Variants in BAG6 observed in about 807,000 individuals in gnomAD.
BAG6 encodes large proline-rich protein BAG6.
BAG6 carries 22 observed loss-of-function variants against 121.0 expected under a neutral mutation model. That is an observed-to-expected ratio of 0.18 (90% CI 0.13 to 0.26). The LOEUF (loss-of-function observed/expected upper bound fraction) is 0.26. BAG6 is among the 10% of genes least tolerant of loss of function. BAG6 has a pLI of 1.00. For missense variants in BAG6, 1,233 were observed against 1,537.7 expected, an observed-to-expected ratio of 0.80 and a Z score of 3.31; for synonymous variants, 583 against 584.6, an observed-to-expected ratio of 1.00 and a Z score of 0.04.
At position 31,642,327 on chromosome 6, in the gene BAG6, G is replaced by T. The variant is rs1251035383; in HGVS notation, c.2120C>A (p.Pro707Gln). The change falls in exon 16 of 26, where the codon CCA (proline) becomes CAA (glutamine). Residue 707 changes from proline to glutamine, a missense_variant. By Grantham distance (76) the Pro-to-Gln change is moderately conservative. Coordinates refer to ENST00000676615, the MANE Select transcript of BAG6 (RefSeq NM_001387994.1). Reference protein sequence around the residue: ...PPAPEQQTMPPPGSPSGGAGS... With the variant: ...PPAPEQQTMPQPGSPSGGAGS... ...TGCGCCACCAGAAGGGGAGCCTGGT[G>T]GGGGCATGGTCTGCTGCTCTGGGGC... The T allele has an allele frequency of 6.4e-7, 1 of 1,554,360 alleles. No individual in the cohort carries two copies. Among genetic ancestry groups the T allele is most frequent in the East Asian group, 2.4e-5 (1 of 41,344 alleles).
Position 31,643,971 on chromosome 6 carries a change from C to A in BAG6, c.1675G>T (p.Ala559Ser). Residue 559 changes from alanine (A) to serine (S), a missense_variant, in exon 14 of 26, where the codon GCC becomes TCC. Around this residue, in one of 7 missense-constraint regions of BAG6, gnomAD observed 777 missense variants for 861.4 expected, o/e 0.90. Coordinates refer to ENST00000676615, the MANE Select transcript of BAG6 (RefSeq NM_001387994.1). ...AACGAGGCATTGGTACCCAGACCGG[C>A]GCCCTGCTGGATAGAGAGCAAGGGA... ...GPPVSGTLQG[A>S]GLGTNASLAQ... The A allele has an allele frequency of 6.2e-7, 1 of 1,614,016 alleles. No homozygotes were observed. The highest frequency in any genetic ancestry group is 1.3e-5 in the African/African-American group (1 of 75,024).
chr6:31,644,199 G>C lies in BAG6; in HGVS notation c.1556-5C>G. 1.2e-6 allele frequency: 2 copies of C among 1,611,990 alleles called. No individual in the cohort carries two copies. Among genetic ancestry groups the C allele is most frequent in the Non-Finnish European group, 1.7e-6 (2 of 1,179,270 alleles). On this transcript the variant is annotated splice_region_variant and splice_polypyrimidine_tract_variant and intron_variant, in intron 12 of 25. Transcript: ENST00000676615. The surrounding 1 kb of genome is among the most constrained non-coding windows in gnomAD (Gnocchi z 4.9). ...GGAAGCCTGGCACCTGCTGTCCTGT[G>C]GGTGGCAGAAGAGACAGACCGAAGA...
chr6:31,639,917 T>C, intron 24 of BAG6: 1 of 613,372 alleles, frequency 1.6e-6, no homozygotes. Context: ...AGCTAGGTAA[T>C]CCACAAGAGG....
chr6:31,646,268 G>C (rs1789059957), intron 8 of BAG6, 126 bp downstream of exon 8: 1 of 1,400,244 alleles, frequency 7.1e-7, no homozygotes, highest in African/African-American at 1.4e-5. Flanking sequence ...TTACAGGCGT[G>C]AGCCACTGCA....
chr6:31,648,556 G>C lies in BAG6; in HGVS notation c.552+121C>G, dbSNP rs191625134. ...TCTGCCCAAAAGAATGAATACTGCA[G>C]AGAAGACTAGATTATGAAGGCCAAA... On this transcript the variant is annotated intron_variant, in intron 6 of 25. Transcript: ENST00000676615. The C allele has an allele frequency of 1.6e-5, 15 of 920,690 alleles. No individual in the cohort carries two copies. The Admixed American group carries it at 2.3e-4, about 14-fold the overall frequency. 57.0% of individuals were successfully genotyped at this position (920,690 alleles called of 1,614,324 possible).
At chr6:31,648,621 G>A (rs910149234) in intron 6 of BAG6, 56 bp downstream of exon 6, 49 of 1,565,682 alleles carry the variant, frequency 3.1e-5, no homozygotes, top group Non-Finnish European at 4.1e-5. Context: ...CTCCCAGGCT[G>A]AGAGAAAAGG....
intron 8 of BAG6, 107 bp from the exon 9 acceptor site, chr6:31,645,711 T>C: frequency 1.5e-6 from 2 of 1,354,904 alleles, no homozygotes; most frequent in Non-Finnish European, 2.0e-6. Flanking sequence ...CTCCAAAACT[T>C]TCAGTTATAT....
rs1561953971 is a variant in BAG6, at chr6:31,649,277, A to C, written c.345T>G (p.Pro115=). The C allele has an allele frequency of 6.2e-7, 1 of 1,613,032 alleles. No homozygotes were observed. The highest frequency in any genetic ancestry group is 8.5e-7 in the Non-Finnish European group (1 of 1,179,968). Residue 115 remains proline, a synonymous_variant, in exon 4 of 26, where the codon CCT becomes CCG. Transcript: ENST00000676615. ...ASATHGGGSP[P]GTRGPGASVH... is the part of the protein sequence containing the mutation. The stretch of plus-strand genomic sequence containing the variant: ...CAGAGGCCCCAGGCCCCCGAGTACC[A>C]GGGGGGGATCCCCCACCATGAGTGG...
Position 31,640,945 on chromosome 6 carries a change from G to T in BAG6, c.2788-7C>A. 1 of 1,611,044 alleles carries T rather than the reference G, an allele frequency of 6.2e-7. No individual in the cohort carries two copies. The highest frequency in any genetic ancestry group is 8.5e-7 in the Non-Finnish European group (1 of 1,178,896). On this transcript the variant is annotated splice_region_variant and splice_polypyrimidine_tract_variant and intron_variant, in intron 20 of 25. Coordinates refer to ENST00000676615, the MANE Select transcript of BAG6 (RefSeq NM_001387994.1). This position sits in a 1 kb window ranked among gnomAD's most constrained non-coding sequence, Gnocchi z 4.2. ...CCCCACGAGACATACGACGCTGAGGGACAGAAAGCAGATTTAGAACACAAA... is the reference window on the plus strand; with the variant it reads ...CCCCACGAGACATACGACGCTGAGGTACAGAAAGCAGATTTAGAACACAAA...
At chr6:31,643,747 GC>G in intron 14 of BAG6, 142 bp downstream of exon 14, 1 of 218,674 alleles carries the variant, frequency 4.6e-6, no homozygotes, top group Non-Finnish European at 7.7e-6. Flanking sequence ...AAAAAAAAAA[GC>G]TGAAACCTGA....
At position 31,645,790 on chromosome 6, in the gene BAG6, T is replaced by A. The variant is rs556277743; in HGVS notation, c.919-186A>T. ...TATCTTATTCACATAAGGAACATCCTATTAAAACACTACTATGAATCAGTA... is the reference window on the plus strand; with the variant it reads ...TATCTTATTCACATAAGGAACATCCAATTAAAACACTACTATGAATCAGTA... On this transcript the variant is annotated intron_variant, in intron 8 of 25. Transcript: ENST00000676615. Among the ~76,000 whole-genome samples the A allele has an allele frequency of 6.7e-4, 102 of 152,370 alleles. 1 individual carries two copies. The highest frequency in any genetic ancestry group is 1.2e-3 in the Non-Finnish European group (83 of 68,040).
At chr6:31,648,822 G>A in intron 5 of BAG6, 71 bp from the exon 6 acceptor site, 2 of 1,597,494 alleles carry the variant, frequency 1.3e-6, no homozygotes, top group Non-Finnish European at 1.7e-6. Flanking sequence ...ACTAAATCAG[G>A]TCCCAGCCAT....
chr6:31,639,580 C>G lies in BAG6; in HGVS notation c.3313G>C (p.Gly1105Arg). Residue 1105 changes from glycine (G) to arginine (R), a missense_variant, in exon 25 of 26, where the codon GGA becomes CGA. By Grantham distance (125) the Gly-to-Arg change is moderately radical. Around this residue, in one of 7 missense-constraint regions of BAG6, gnomAD observed 102 missense variants for 103.2 expected, o/e 0.99. Coordinates refer to ENST00000676615, the MANE Select transcript of BAG6 (RefSeq NM_001387994.1). ...TCGGGGCTCGTCAGGGGCCGAGCTC[C>G]GGCTGCCTTAGCTGCCCGGCTCACA... ...EAVSRAAKAA[G>R]ARPLTSPESL... 6.2e-7 allele frequency: 1 copy of G among 1,614,072 alleles called. No homozygotes were observed. The highest frequency in any genetic ancestry group is 8.5e-7 in the Non-Finnish European group (1 of 1,179,960).
chr6:31,643,242 C>G, intron 14 of BAG6, 127 bp from the exon 15 acceptor site: 1 of 880,954 alleles, frequency 1.1e-6, no homozygotes, highest in Non-Finnish European at 1.7e-6. Context: ...TAGCAAGACC[C>G]CATCTCTACC....
At position 31,641,061 on chromosome 6, in the gene BAG6, C is replaced by G. The variant is rs750384294; in HGVS notation, c.2787+43G>C. ...TGAAAACTGCAGAGAATGGAAACCT[C>G]AGGAAACAAAAGGCTAAGGATCTGG... On this transcript the variant is annotated intron_variant, in intron 20 of 25. Coordinates refer to ENST00000676615, the MANE Select transcript of BAG6 (RefSeq NM_001387994.1). This position sits in a 1 kb window ranked among gnomAD's most constrained non-coding sequence, Gnocchi z 5.7. 1 of 1,608,946 alleles carries G rather than the reference C, an allele frequency of 6.2e-7. No homozygotes were observed. The highest frequency in any genetic ancestry group is 2.2e-5 in the East Asian group (1 of 44,800).
chr6:31,639,471 A>G, intron 25 of BAG6, 29 bp downstream of exon 25: 1 of 1,601,508 alleles, frequency 6.2e-7, no homozygotes, highest in Non-Finnish European at 8.5e-7. Flanking sequence ...CTCCCACTAG[A>G]CCATCCCTAT....
In BAG6 at chr6:31,642,359, TGGGGGTGGAGGAGGTGGG is replaced by T; in HGVS notation, c.2070_2087del (p.Pro693_Pro698del). ...TGGTCTGCTGCTCTGGGGCAGGTGG[TGGGGGTGGAGGAGGTGGG>T]GGTGGTGGAGGGGCTGTCTGTGTTG... On this transcript the variant is annotated inframe_deletion, in exon 16 of 26. Transcript: ENST00000676615. 1 of 315,300 alleles carries T rather than the reference TGGGGGTGGAGGAGGTGGG, an allele frequency of 3.2e-6. No homozygotes were observed. Among genetic ancestry groups the T allele is most frequent in the Non-Finnish European group, 4.5e-6 (1 of 222,848 alleles). The allele number at this position is 315,300 out of a possible 1,614,324, so 19.5% of individuals were successfully genotyped here. A position where few individuals can be genotyped will look rare whatever the true frequency, so the allele number is the denominator to read the frequency against.
At chr6:31,643,745 A>AAAAAAAAAAAAAAACAAAAC (rs1785506325) in intron 14 of BAG6, 145 bp downstream of exon 14, 1 of 588,684 alleles carries the variant, frequency 1.7e-6, no homozygotes. Context: ...AAAAAAAAAA[A>AAAAAAAAAAAAAAACAAAAC]AGCTGAAACC....
intron 1 of BAG6, 63 bp downstream of exon 1, chr6:31,652,361 C>CA (rs753850519): frequency 0.024 from 2,609 of 110,302 alleles, 91 homozygotes; most frequent in Non-Finnish European, 0.026. Context: ...ACACACACAC[C>CA]CACCACCCCG....
Sources: gnomAD v4.1 joint callset for allele counts (sites outside exome capture counted in the v4.1 genomes callset) on GRCh38, gnomAD v4.1.1 for gene constraint, gnomAD v4.1.1 regional missense constraint, Gnocchi (gnomAD v3.1) non-coding constraint, MANE v1.5 for transcripts, NCBI Gene and HGNC (gene_info 2026-07-23, HGNC 2026-07-21) for gene names.